The following JAM3 variants were observed in gnomAD, a reference collection of about 807,000 sequenced individuals.
The protein encoded by JAM3 is junctional adhesion molecule C.
Under a neutral mutation model 39.4 loss-of-function variants are expected in JAM3, and 31 were observed. The observed-to-expected ratio is 0.79, with a 90% CI of 0.59 to 1.06. The LOEUF is 1.06. Among genes scored for constraint, JAM3 ranks in the 50% least tolerant of loss-of-function variants. The pLI is 0.00. For synonymous variants in JAM3, 182 were observed against 148.7 expected (o/e 1.22, Z -1.63); for missense variants, 455 against 391.4 (o/e 1.16, Z -1.37).
chr11:134,069,098 G>A lies in JAM3; in HGVS notation c.15G>A (p.Arg5=). The change falls in exon 1 of 9, where the codon CGG becomes CGA. Residue 5 remains arginine, a synonymous_variant. Transcript: ENST00000299106. MALR[R]PPRLRLCARL... ...CAACCCTCGACATGGCGCTGAGGCG[G>A]CCACCGCGACTCCGGCTCTGCGCTC... The A allele has an allele frequency of 1.2e-6, 2 of 1,611,586 alleles. No individual in the cohort carries two copies. Among genetic ancestry groups the A allele is most frequent in the Non-Finnish European group, 1.7e-6 (2 of 1,179,120 alleles).
chr11:134,114,324 A>G (rs545345768), intron 1 of JAM3, among the ~76,000 whole-genome samples: 1 of 152,196 alleles, frequency 6.6e-6, no homozygotes, highest in Non-Finnish European at 1.5e-5. Flanking sequence ...TAGGTCTAAC[A>G]TTTAAGTCTT....
intron 1 of JAM3, among the ~76,000 whole-genome samples, chr11:134,117,209 A>AAAAAT (rs1277095783): frequency 6.6e-5 from 10 of 152,218 alleles, no homozygotes; most frequent in South Asian, 2.1e-4. Flanking sequence ...TAAAAGTACA[A>AAAAAT]AAAATAAAAT....
intron 1 of JAM3, among the ~76,000 whole-genome samples, chr11:134,099,612 ATTTAT>A (rs1369014804): frequency 6.6e-5 from 10 of 151,868 alleles, no homozygotes; most frequent in Admixed American, 4.6e-4. Context: ...TTATTTGTTT[ATTTAT>A]TTAGGGACAG....
chr11:134,132,945 G>C (rs1439476736), intron 1 of JAM3, among the ~76,000 whole-genome samples: 2 of 152,208 alleles, frequency 1.3e-5, no homozygotes, highest in Non-Finnish European at 2.9e-5. Flanking sequence ...CTGCTCTGCA[G>C]GTTGGGATTC....
At chr11:134,107,499 C>CA (rs918009823) in intron 1 of JAM3, among the ~76,000 whole-genome samples, 26 of 151,028 alleles carry the variant, frequency 1.7e-4, no homozygotes, top group African/African-American at 4.6e-4. Context: ...TATAAATAGT[C>CA]AAAAAAAAGT....
At chr11:134,147,855 A>G (rs1349434440) in intron 6 of JAM3, 1 of 153,350 alleles carries the variant, frequency 6.5e-6, no homozygotes, top group Non-Finnish European at 1.5e-5. Flanking sequence ...GATTTTTTTA[A>G]AACTTCCAAG....
intron 1 of JAM3, among the ~76,000 whole-genome samples, chr11:134,136,730 T>C (rs182846883): frequency 3.9e-5 from 6 of 152,044 alleles, no homozygotes; most frequent in Non-Finnish European, 8.8e-5. Flanking sequence ...AAATCTCATG[T>C]GTAGTTCATG....
chr11:134,127,737 C>T (rs1942678183), intron 1 of JAM3, among the ~76,000 whole-genome samples: 1 of 152,162 alleles, frequency 6.6e-6, no homozygotes, highest in South Asian at 2.1e-4. Flanking sequence ...AAAATAAATA[C>T]AGAATTAGTT....
Position 134,144,919 on chromosome 11 carries a change from A to T in JAM3, c.537A>T (p.Pro179=). ...ACAGCTGGTATCGCAATGATGTACC[A>T]CTGCCCACGGATTCCAGAGCCAATC... is the stretch of plus-strand genomic sequence containing the variant. ...PHYSWYRNDV[P]LPTDSRANPR... is the part of the protein sequence containing the mutation. The change falls in exon 5 of 9, where the codon CCA becomes CCT. Residue 179 remains proline, a synonymous_variant. Transcript: ENST00000299106. The T allele has an allele frequency of 1.9e-6, 3 of 1,614,176 alleles. No homozygotes were observed. Among genetic ancestry groups the T allele is most frequent in the Non-Finnish European group, 2.5e-6 (3 of 1,180,024 alleles).
chr11:134,129,529 C>T (rs573716018), intron 1 of JAM3, among the ~76,000 whole-genome samples: 1 of 152,214 alleles, frequency 6.6e-6, no homozygotes, highest in Non-Finnish European at 1.5e-5. Flanking sequence ...TTGAAACTTG[C>T]TATTCTCTGG....
Position 134,149,169 on chromosome 11 carries a change from GT to G in JAM3, c.924del (p.Phe308LeufsTer2). The G allele has an allele frequency of 6.2e-7, 1 of 1,613,986 alleles. No homozygotes were observed. Among genetic ancestry groups the G allele is most frequent in the Non-Finnish European group, 8.5e-7 (1 of 1,179,872 alleles). On this transcript the variant is annotated frameshift_variant, in exon 9 of 9. Coordinates refer to ENST00000299106, the MANE Select transcript of JAM3 (RefSeq NM_032801.5). LOFTEE classifies it high-confidence loss of function. ...EEGDFRHKSS[F>X]VI Reference sequence around the variant, plus strand: ...AGGGCGACTTCAGACACAAGTCATCGTTTGTGATCTGAGACCCGCGGTGTGG... The same window carrying G: ...AGGGCGACTTCAGACACAAGTCATCGTTGTGATCTGAGACCCGCGGTGTGG...
intron 1 of JAM3, chr11:134,126,577 G>A (rs1351487905): frequency 2.0e-5 from 3 of 152,332 alleles, no homozygotes; most frequent in African/African-American, 7.2e-5. Context: ...AGTGCATGTT[G>A]CCTGAGCCTC....
Position 134,139,892 on chromosome 11 carries a change from A to C in JAM3, c.118A>C (p.Thr40Pro). The change falls in exon 2 of 9, where the codon ACC (threonine) becomes CCC (proline). Residue 40 changes from threonine to proline, a missense_variant. Thr to Pro is a conservative substitution (Grantham distance 38). Transcript: ENST00000299106. ...TGTAAATCTCAAATCCAGCAATCGA[A>C]CCCCAGTGGTACAGGAATTTGAAAG... ...GAVNLKSSNRTPVVQEFESVE... is the reference protein window; with the variant it reads ...GAVNLKSSNRPPVVQEFESVE... 6.2e-7 allele frequency: 1 copy of C among 1,613,924 alleles called. No homozygotes were observed. The highest frequency in any genetic ancestry group is 8.5e-7 in the Non-Finnish European group (1 of 1,179,862).
At chr11:134,111,773 G>A (rs111768142) in intron 1 of JAM3, among the ~76,000 whole-genome samples, 6,184 of 152,158 alleles carry the variant, frequency 0.041, 462 homozygotes, top group African/African-American at 0.14. Flanking sequence ...AATAAAAAGG[G>A]AATCTCCATT....
At chr11:134,110,410 GTAAA>G (rs1163393923) in intron 1 of JAM3, among the ~76,000 whole-genome samples, 115 of 152,250 alleles carry the variant, frequency 7.6e-4, no homozygotes, top group Non-Finnish European at 1.5e-3. Context: ...CCCATCAATA[GTAAA>G]TAAACATCTG....
chr11:134,093,569 A>T (rs1941916655), intron 1 of JAM3, among the ~76,000 whole-genome samples: 1 of 123,634 alleles, frequency 8.1e-6, no homozygotes, highest in African/African-American at 3.4e-5. Flanking sequence ...TCACTTCCTG[A>T]GGGAAGCGTG....
chr11:134,108,910 G>C (rs1942255362), intron 1 of JAM3, among the ~76,000 whole-genome samples: 1 of 152,090 alleles, frequency 6.6e-6, no homozygotes, highest in Non-Finnish European at 1.5e-5. Flanking sequence ...AAAAGTTATA[G>C]GTAATATTAT....
intron 3 of JAM3, among the ~76,000 whole-genome samples, chr11:134,142,698 G>T (rs546946441): frequency 6.6e-6 from 1 of 152,106 alleles, no homozygotes; most frequent in African/African-American, 2.4e-5. Context: ...TCACAGTTGT[G>T]CAACCATCAC....
chr11:134,143,513 T>C (rs1350058522), intron 3 of JAM3, among the ~76,000 whole-genome samples: 1 of 152,246 alleles, frequency 6.6e-6, no homozygotes, highest in Non-Finnish European at 1.5e-5. Flanking sequence ...AGACTATATG[T>C]GTGCACCACT....
Sources: gnomAD v4.1 joint callset for allele counts (sites outside exome capture counted in the v4.1 genomes callset) on GRCh38, gnomAD v4.1.1 for gene constraint, MANE v1.5 for transcripts, NCBI Gene and HGNC (gene_info 2026-07-23, HGNC 2026-07-21) for gene names.